Variants in FGF1 observed in about 807,000 individuals in gnomAD.
FGF1 encodes beta-endothelial cell growth factor.
Under a neutral mutation model 13.4 loss-of-function variants are expected in FGF1, and 9 were observed. That is an observed-to-expected ratio of 0.67 (90% CI 0.40 to 1.17). FGF1 has a LOEUF of 1.17. FGF1 is among the 50% of genes most tolerant of loss of function. The probability of loss-of-function intolerance (pLI) is 0.01; values close to 1 mark genes in which losing one functional copy is unlikely to be tolerated. For synonymous variants in FGF1, 93 were observed against 79.0 expected, an observed-to-expected ratio of 1.18 and a Z score of -0.94; for missense variants, 156 against 192.7, an observed-to-expected ratio of 0.81 and a Z score of 1.13.
chr5:142,652,965 C>T (rs770249346), intron 1 of FGF1, among the ~76,000 whole-genome samples: 3 of 152,222 alleles, frequency 2.0e-5, no homozygotes, highest in Non-Finnish European at 4.4e-5. Flanking sequence ...CATTTATAGA[C>T]AGCCTTCTCT....
intron 1 of FGF1, among the ~76,000 whole-genome samples, chr5:142,651,608 A>G (rs1039437556): frequency 2.0e-5 from 3 of 152,196 alleles, no homozygotes; most frequent in African/African-American, 4.8e-5. Context: ...CCTACAGTGT[A>G]GTTTCACTGT....
intron 1 of FGF1, among the ~76,000 whole-genome samples, chr5:142,616,148 G>C (rs1760187996): frequency 6.6e-6 from 1 of 152,202 alleles, no homozygotes; most frequent in South Asian, 2.1e-4. Context: ...ATAGGAGATG[G>C]TTCCATCATA....
At chr5:142,637,133 C>T (rs1324256470) in intron 1 of FGF1, among the ~76,000 whole-genome samples, 2 of 151,892 alleles carry the variant, frequency 1.3e-5, no homozygotes, top group East Asian at 1.9e-4. Context: ...GTCAGCCCAG[C>T]GGCCCTCTCT....
chr5:142,637,656 G>A (rs1009778975), intron 1 of FGF1, among the ~76,000 whole-genome samples: 5 of 152,020 alleles, frequency 3.3e-5, no homozygotes, highest in Admixed American at 6.5e-5. Context: ...AGTGCTGGGA[G>A]CCAGAGCTCC....
rs980276216 is a variant in FGF1, at chr5:142,593,258, T to A, written c.*2032A>T. 4 of 152,218 alleles carry A rather than the reference T, an allele frequency of 2.6e-5. No homozygotes were observed. Among genetic ancestry groups the A allele is most frequent in the African/African-American group, 7.2e-5 (3 of 41,464 alleles). The allele number at this position is 152,218 out of a possible 1,614,324, so 9.4% of individuals were successfully genotyped here. ...TCTTTTTCTGGCCAAATCTTCATAC[T>A]AAAGAGACGTTAAGCCACACTGCAT... is the stretch of plus-strand genomic sequence containing the variant. On this transcript the variant is annotated 3_prime_UTR_variant, in exon 4 of 4. Coordinates refer to ENST00000337706, the MANE Select transcript of FGF1 (RefSeq NM_000800.5).
intron 1 of FGF1, among the ~76,000 whole-genome samples, chr5:142,622,644 C>T (rs1036019966): frequency 1.3e-5 from 2 of 152,190 alleles, no homozygotes; most frequent in African/African-American, 4.8e-5. Flanking sequence ...TTTGTAGGGC[C>T]TGGAAAAAAC....
chr5:142,649,825 G>A (rs558106756), intron 1 of FGF1, among the ~76,000 whole-genome samples: 31 of 152,118 alleles, frequency 2.0e-4, no homozygotes, highest in East Asian at 3.9e-4. Context: ...TTGTTTTACC[G>A]TATACACTTT....
intron 2 of FGF1, among the ~76,000 whole-genome samples, chr5:142,606,212 C>CTGTGTGTGTGTGTGTG (rs1430289422): frequency 1.3e-3 from 80 of 60,084 alleles, no homozygotes; most frequent in African/African-American, 6.7e-3. Context: ...AACATTCTTT[C>CTGTGTGTGTGTGTGTG]TCTCTCTGTG....
At chr5:142,639,368 C>G (rs929697053) in intron 1 of FGF1, among the ~76,000 whole-genome samples, 5 of 151,894 alleles carry the variant, frequency 3.3e-5, no homozygotes, top group Non-Finnish European at 7.3e-5. Context: ...TATATACAGA[C>G]AATGGAATAC....
At position 142,595,039 on chromosome 5, in the gene FGF1, A is replaced by C; in HGVS notation, c.*251T>G. Reference sequence around the variant, plus strand: ...CTCAGCCTGCAAGAGGCAATTGGAGATCCAAACCCAGACCCAGACTGGCCA... The same window carrying C: ...CTCAGCCTGCAAGAGGCAATTGGAGCTCCAAACCCAGACCCAGACTGGCCA... On this transcript the variant is annotated 3_prime_UTR_variant, in exon 4 of 4. Coordinates refer to ENST00000337706, the MANE Select transcript of FGF1 (RefSeq NM_000800.5). The C allele has an allele frequency of 2.4e-6, 1 of 412,450 alleles. No homozygotes were observed. The highest frequency in any genetic ancestry group is 4.3e-6 in the Non-Finnish European group (1 of 232,028). 25.5% of individuals were successfully genotyped at this position (412,450 alleles called of 1,614,324 possible). A position where few individuals can be genotyped will look rare whatever the true frequency, so the allele number is the denominator to read the frequency against.
Position 142,606,216 on chromosome 5 carries a change from C to CTGTGTGTGTGTGTG in FGF1, c.170-5412_170-5411insCACACACACACACA, listed in dbSNP as rs1475595559. Among the ~76,000 whole-genome samples the CTGTGTGTGTGTGTG allele has an allele frequency of 3.3e-3, 245 of 73,592 alleles. 7 individuals are homozygous for CTGTGTGTGTGTGTG. In the East Asian group the frequency reaches 0.096, roughly 29 times the overall value. 48.3% of individuals were successfully genotyped at this position (73,592 alleles called of 152,430 possible). On this transcript the variant is annotated intron_variant, in intron 2 of 3. Transcript: ENST00000337706. ...ACAAAATCTGCAACATTCTTTCTCT[C>CTGTGTGTGTGTGTG]TCTGTGTGTGTGTGTGTGTGTGTGT...
chr5:142,667,695 C>G (rs993581385), intron 1 of FGF1, among the ~76,000 whole-genome samples: 1 of 152,116 alleles, frequency 6.6e-6, no homozygotes, highest in African/African-American at 2.4e-5. Context: ...AGCGGCTGTC[C>G]TCCCACTACC....
rs371064758 is a variant in FGF1 at position 142,607,067 on chromosome 5, T to C, written c.170-6262A>G. On this transcript the variant is annotated intron_variant, in intron 2 of 3. Coordinates refer to ENST00000337706, the MANE Select transcript of FGF1 (RefSeq NM_000800.5). ...CTCCGTTCATAGTCAATGGGACACT[T>C]AGAGCTGGCCAAGACTCCCACTTTT... 5.3e-5 allele frequency among the ~76,000 whole-genome samples: 8 copies of C among 152,266 alleles called. No individual in the cohort carries two copies. The East Asian group carries it at 1.2e-3, about 22-fold the overall frequency.
At chr5:142,607,295 C>T (rs559452542) in intron 2 of FGF1, among the ~76,000 whole-genome samples, 26 of 152,272 alleles carry the variant, frequency 1.7e-4, no homozygotes, top group African/African-American at 4.6e-4. Context: ...CAATACCCCC[C>T]GACCAGGTTA....
rs995690638 is a variant in FGF1 at position 142,625,685 on chromosome 5, G to T, written c.-34-11524C>A. 1.7e-4 allele frequency among the ~76,000 whole-genome samples: 26 copies of T among 152,160 alleles called. 1 individual carries two copies. Among genetic ancestry groups the T allele is most frequent in the Non-Finnish European group, 4.4e-5 (3 of 68,032 alleles). On this transcript the variant is annotated intron_variant, in intron 1 of 3. Transcript: ENST00000337706. ...GCAGACGGACACATTAAAGCCCCAG[G>T]GCTTCACGCCAAATGCAAAGTGATT...
At chr5:142,667,580 C>T (rs1308452610) in intron 1 of FGF1, among the ~76,000 whole-genome samples, 2 of 137,988 alleles carry the variant, frequency 1.4e-5, no homozygotes, top group Non-Finnish European at 3.1e-5. Flanking sequence ...AGCGAGACTC[C>T]GTCTCAAAAA....
rs1205071808 is a variant in FGF1 at position 142,607,274 on chromosome 5, A to G, written c.170-6469T>C. On this transcript the variant is annotated intron_variant, in intron 2 of 3. Transcript: ENST00000337706. ...CTCTAAAGCTCTAACTTCTCTGTCC[A>G]CTCCCTTTTTCAATACCCCCCGACC... is the stretch of plus-strand genomic sequence containing the variant. Among the ~76,000 whole-genome samples the G allele has an allele frequency of 6.6e-5, 10 of 152,012 alleles. No individual in the cohort carries two copies. The East Asian group carries it at 9.7e-4, about 15-fold the overall frequency.
At chr5:142,683,516 C>T (rs975456399) in intron 1 of FGF1, among the ~76,000 whole-genome samples, 7 of 152,046 alleles carry the variant, frequency 4.6e-5, no homozygotes, top group African/African-American at 1.7e-4. Flanking sequence ...AATATGGATT[C>T]TTGCAAAATA....
chr5:142,633,659 G>A lies in FGF1; in HGVS notation c.-34-19498C>T, dbSNP rs372236251. Among the ~76,000 whole-genome samples, 20 of 152,334 alleles carry A rather than the reference G, an allele frequency of 1.3e-4. No homozygotes were observed. The South Asian group carries it at 3.5e-3, about 27-fold the overall frequency. On this transcript the variant is annotated intron_variant, in intron 1 of 3. Transcript: ENST00000337706. The stretch of plus-strand genomic sequence containing the variant: ...GGAGTCCAGTGTGCCCCAGGCTCAC[G>A]GGGAGCAGAATGCCCACTGCAGCAT...
Sources: gnomAD v4.1 joint callset for allele counts (sites outside exome capture counted in the v4.1 genomes callset) on GRCh38, gnomAD v4.1.1 for gene constraint, MANE v1.5 for transcripts, NCBI Gene and HGNC (gene_info 2026-07-23, HGNC 2026-07-21) for gene names.